Variants in RYR3 observed in about 807,000 individuals in gnomAD.
RYR3 encodes the protein brain ryanodine receptor-calcium release channel.
A neutral mutation model predicts 584.3 loss-of-function variants in RYR3; 207 were observed. The observed-to-expected ratio is 0.35, with a 90% CI of 0.32 to 0.40. The LOEUF (loss-of-function observed/expected upper bound fraction) is 0.40, where lower values mean the gene tolerates loss of function less well. Among genes scored for constraint, RYR3 ranks in the 10% least tolerant of loss-of-function variants. The pLI is 1.00. For missense variants in RYR3, 5,616 were observed against 6,089.2 expected (o/e 0.92, Z 2.59); for synonymous variants, 2,416 against 2,248.5 (o/e 1.07, Z -2.11).
In RYR3 at chr15:33,669,857, G is replaced by GGGGGGGGGGT. The variant is rs1555401713; in HGVS notation, c.5722+402_5722+403insGGGGGGGGTG. ...GTGTGTGTGTGTGGGGGGGGGGGGG[G>GGGGGGGGGGT]GTGTGGGTGTGTGGGTGTGTGTGGT... is the stretch of plus-strand genomic sequence containing the variant. On this transcript the variant is annotated intron_variant, in intron 37 of 103. Coordinates refer to ENST00000634891, the MANE Select transcript of RYR3 (RefSeq NM_001036.6). Among the ~76,000 whole-genome samples the GGGGGGGGGGT allele has an allele frequency of 2.3e-4, 14 of 60,248 alleles. 3 individuals carry two copies. Among genetic ancestry groups the GGGGGGGGGGT allele is most frequent in the African/African-American group, 3.5e-4 (5 of 14,412 alleles). 39.5% of individuals were successfully genotyped at this position (60,248 alleles called of 152,430 possible).
In RYR3 at chr15:33,621,751, A is replaced by G. The variant is rs577874919; in HGVS notation, c.2358-2056A>G. Among the ~76,000 whole-genome samples the G allele has an allele frequency of 5.3e-5, 8 of 152,250 alleles. No homozygotes were observed. In the East Asian group the frequency reaches 1.5e-3, roughly 29 times the overall value. ...CTTTTCAGATAAAGTGTCTGCTCTT[A>G]TTGGGAAGGAAAAAAACCTTAGCAC... On this transcript the variant is annotated intron_variant, in intron 19 of 103. Coordinates refer to ENST00000634891, the MANE Select transcript of RYR3 (RefSeq NM_001036.6).
intron 1 of RYR3, among the ~76,000 whole-genome samples, chr15:33,422,991 G>T (rs1007948235): frequency 6.6e-6 from 1 of 152,096 alleles, no homozygotes; most frequent in African/African-American, 2.4e-5. Context: ...AGTTTAAATT[G>T]TAACATATAT....
At chr15:33,794,305 A>ATTT (rs1567185370) in intron 67 of RYR3, among the ~76,000 whole-genome samples, 6 of 100,320 alleles carry the variant, frequency 6.0e-5, no homozygotes, top group South Asian at 4.6e-4. Context: ...TTATATATAT[A>ATTT]TTTTTATATA....
At chr15:33,665,191 T>C (rs926160827) in intron 36 of RYR3, among the ~76,000 whole-genome samples, 1 of 152,212 alleles carries the variant, frequency 6.6e-6, no homozygotes, top group African/African-American at 2.4e-5. Flanking sequence ...TACAATGACA[T>C]GGTGATGGTA....
chr15:33,455,330 G>C (rs2047458471), intron 1 of RYR3, among the ~76,000 whole-genome samples: 1 of 102,056 alleles, frequency 9.8e-6, no homozygotes, highest in Non-Finnish European at 2.0e-5. Flanking sequence ...GGTCAGATAA[G>C]ATGTTTAGGA....
chr15:33,537,708 C>T (rs1375594646), intron 5 of RYR3, among the ~76,000 whole-genome samples: 2 of 152,134 alleles, frequency 1.3e-5, no homozygotes, highest in Non-Finnish European at 2.9e-5. Flanking sequence ...TGTGTCTTGG[C>T]GTGGCCTCTT....
chr15:33,678,187 T>G (rs1322765577), intron 38 of RYR3, among the ~76,000 whole-genome samples: 1 of 152,190 alleles, frequency 6.6e-6, no homozygotes, highest in Non-Finnish European at 1.5e-5. Context: ...GCTATACTAT[T>G]TGATATGGTT....
At chr15:33,624,173 C>T (rs531968596) in intron 20 of RYR3, 150 bp downstream of exon 20, 6 of 638,734 alleles carry the variant, frequency 9.4e-6, no homozygotes, top group African/African-American at 1.8e-5. Context: ...ACATTTTCAC[C>T]ATGTGTGTCA....
intron 38 of RYR3, among the ~76,000 whole-genome samples, chr15:33,677,364 G>T (rs572403214): frequency 9.9e-5 from 15 of 152,130 alleles, no homozygotes; most frequent in Non-Finnish European, 2.1e-4. Flanking sequence ...GAGGCCCGAG[G>T]TCCCTGAGTC....
intron 1 of RYR3, among the ~76,000 whole-genome samples, chr15:33,372,154 T>C (rs2141102910): frequency 6.6e-6 from 1 of 152,220 alleles, no homozygotes; most frequent in South Asian, 2.1e-4. Flanking sequence ...TATTCCCAAT[T>C]TATAGATGAA....
intron 3 of RYR3, among the ~76,000 whole-genome samples, chr15:33,510,010 C>T (rs1326160463): frequency 1.3e-5 from 2 of 152,172 alleles, no homozygotes; most frequent in African/African-American, 2.4e-5. Context: ...TATGGCTGAC[C>T]ATCCACACCT....
At position 33,826,793 on chromosome 15, in the gene RYR3, C is replaced by CA. The variant is rs4041449; in HGVS notation, c.11245+41_11245+42insA. Reference sequence around the variant, plus strand: ...TGATCTGCCAAGGAAACACAGCACTCGGGCAAAACTAGAATTCCGTTCAGT... The same window carrying CA: ...TGATCTGCCAAGGAAACACAGCACTCAGGGCAAAACTAGAATTCCGTTCAGT... On this transcript the variant is annotated intron_variant, in intron 84 of 103. Transcript: ENST00000634891. 8 of 1,503,598 alleles carry CA rather than the reference C, an allele frequency of 5.3e-6. 1 individual carries two copies. Among genetic ancestry groups the CA allele is most frequent in the South Asian group, 4.9e-5 (4 of 82,234 alleles). 93.1% of individuals were successfully genotyped at this position (1,503,598 alleles called of 1,614,324 possible). A position where few individuals can be genotyped will look rare whatever the true frequency, so the allele number is the denominator to read the frequency against.
At chr15:33,570,039 T>A (rs111838338) in intron 12 of RYR3, among the ~76,000 whole-genome samples, 1 of 152,056 alleles carries the variant, frequency 6.6e-6, no homozygotes, top group Admixed American at 6.6e-5. Flanking sequence ...CTTTTCTCAT[T>A]TTTTTTAAAT....
At chr15:33,733,682 A>C (rs2069155994) in intron 48 of RYR3, among the ~76,000 whole-genome samples, 1 of 152,222 alleles carries the variant, frequency 6.6e-6, no homozygotes, top group Admixed American at 6.5e-5. Context: ...TACTTGTCCA[A>C]ACCAATAGAA....
At position 33,838,610 on chromosome 15, in the gene RYR3, C is replaced by T; in HGVS notation, c.12630C>T (p.Leu4210=). ...FTILGGIFQI[L]WSTVFGGGLV... ...TCCTGGGAGGAATCTTTCAGATCCT[C>T]TGGAGCACAGTGTTTGGAGGGGGCC... Residue 4210 remains leucine (L), a synonymous_variant, in exon 89 of 104, where the codon CTC becomes CTT. Coordinates refer to ENST00000634891, the MANE Select transcript of RYR3 (RefSeq NM_001036.6). The T allele has an allele frequency of 1.2e-6, 2 of 1,613,930 alleles. No individual in the cohort carries two copies. The highest frequency in any genetic ancestry group is 1.7e-6 in the Non-Finnish European group (2 of 1,179,868).
intron 3 of RYR3, among the ~76,000 whole-genome samples, chr15:33,523,667 A>G (rs1220681972): frequency 2.0e-5 from 3 of 152,106 alleles, no homozygotes; most frequent in Non-Finnish European, 1.5e-5. Flanking sequence ...CCTAGAATCT[A>G]ACAGCTGTGT....
chr15:33,842,833 C>G (rs8025152), intron 91 of RYR3, among the ~76,000 whole-genome samples: 21,636 of 152,238 alleles, frequency 0.14, 1,740 homozygotes, highest in Middle Eastern at 0.23. Context: ...GTGGAGTGAT[C>G]ACGAAAATGC....
At chr15:33,521,096 T>C (rs912781170) in intron 3 of RYR3, among the ~76,000 whole-genome samples, 2 of 150,162 alleles carry the variant, frequency 1.3e-5, no homozygotes, top group Non-Finnish European at 3.0e-5. Context: ...ATCCAGGGGA[T>C]CTTCCTACGG....
At chr15:33,342,045 C>T (rs1004668417) in intron 1 of RYR3, among the ~76,000 whole-genome samples, 8 of 152,168 alleles carry the variant, frequency 5.3e-5, no homozygotes, top group African/African-American at 1.7e-4. Flanking sequence ...GCTCGAGAAA[C>T]GAATGATGCA....
Sources: gnomAD v4.1 joint callset for allele counts (sites outside exome capture counted in the v4.1 genomes callset) on GRCh38, gnomAD v4.1.1 for gene constraint, MANE v1.5 for transcripts, NCBI Gene and HGNC (gene_info 2026-07-23, HGNC 2026-07-21) for gene names.